The following SYT1 variants were observed in gnomAD, a reference collection of about 807,000 sequenced individuals.
SYT1 encodes the protein synaptotagmin-1.
A neutral mutation model predicts 44.8 loss-of-function variants in SYT1; 8 were observed. The ratio of observed to expected loss-of-function variants is 0.18; its 90% CI spans 0.10 to 0.32. The LOEUF is 0.32. Ranked by LOEUF, SYT1 falls within the 10% of genes least tolerant of loss-of-function variation. SYT1 has a pLI of 1.00. For missense variants in SYT1, 286 were observed against 509.3 expected (o/e 0.56, Z 4.22); for synonymous variants, 154 against 188.8 (o/e 0.82, Z 1.51).
intron 3 of SYT1, among the ~76,000 whole-genome samples, chr12:79,151,534 C>T (rs1870271787): frequency 6.6e-6 from 1 of 151,952 alleles, no homozygotes; most frequent in Non-Finnish European, 1.5e-5. Flanking sequence ...GGTTTTTAAT[C>T]AGGAGAATAA....
intron 9 of SYT1, among the ~76,000 whole-genome samples, chr12:79,429,018 A>G (rs1484477218): frequency 6.6e-6 from 1 of 152,074 alleles, no homozygotes; most frequent in Non-Finnish European, 1.5e-5. Context: ...ATTTCTTGGG[A>G]ACTGATAGAG....
In SYT1 at chr12:79,450,610, T is replaced by C. The variant is rs1871003842; in HGVS notation, c.*1486T>C. The C allele has an allele frequency of 1.3e-5, 2 of 152,776 alleles. No homozygotes were observed. The highest frequency in any genetic ancestry group is 1.3e-4 in the Admixed American group (2 of 15,292). The allele number at this position is 152,776 out of a possible 1,614,324, so 9.5% of individuals were successfully genotyped here. On this transcript the variant is annotated 3_prime_UTR_variant, in exon 11 of 11. Transcript: ENST00000261205. ...TGACTGCCGTGTGTGCTTAGACCCG[T>C]AGTTTCCTCAGTGGATAGCACTCAA...
chr12:79,061,540 C>G (rs1875386466), intron 3 of SYT1, among the ~76,000 whole-genome samples: 1 of 152,178 alleles, frequency 6.6e-6, no homozygotes, highest in East Asian at 1.9e-4. Context: ...GTGAATGGTG[C>G]TGGGCCACAA....
chr12:78,925,825 C>T (rs1592567560), intron 1 of SYT1, among the ~76,000 whole-genome samples: 2 of 151,922 alleles, frequency 1.3e-5, no homozygotes, highest in Admixed American at 1.3e-4. Flanking sequence ...TAAGAATGCA[C>T]ATATGTGAAC....
At chr12:78,874,269 C>CAAT (rs1873956539) in intron 1 of SYT1, among the ~76,000 whole-genome samples, 1 of 151,432 alleles carries the variant, frequency 6.6e-6, no homozygotes, top group South Asian at 2.1e-4. Context: ...TTTACAGAGC[C>CAAT]AATACTCAAT....
chr12:78,877,375 C>G (rs1874230181), intron 1 of SYT1, among the ~76,000 whole-genome samples: 1 of 151,618 alleles, frequency 6.6e-6, no homozygotes, highest in African/African-American at 2.4e-5. Flanking sequence ...TTACCTCCCA[C>G]TCTGTCCCTC....
At chr12:79,334,096 G>C (rs1487636415) in intron 8 of SYT1, among the ~76,000 whole-genome samples, 1 of 152,040 alleles carries the variant, frequency 6.6e-6, no homozygotes, top group Non-Finnish European at 1.5e-5. Context: ...CTGAGTATAC[G>C]CTATGTGCTA....
At chr12:79,331,358 T>G (rs1261633268) in intron 8 of SYT1, among the ~76,000 whole-genome samples, 1 of 152,200 alleles carries the variant, frequency 6.6e-6, no homozygotes, top group Non-Finnish European at 1.5e-5. Flanking sequence ...TTCAGCCAAA[T>G]GGTCTGAAAT....
intron 9 of SYT1, among the ~76,000 whole-genome samples, chr12:79,371,271 C>T (rs1482726637): frequency 6.6e-6 from 1 of 152,220 alleles, no homozygotes; most frequent in Non-Finnish European, 1.5e-5. Flanking sequence ...TTACTCACAG[C>T]TTCCCCCACC....
intron 4 of SYT1, among the ~76,000 whole-genome samples, chr12:79,274,249 T>C (rs1486489599): frequency 1.3e-5 from 2 of 152,038 alleles, no homozygotes; most frequent in Non-Finnish European, 2.9e-5. Flanking sequence ...CCAGGAAGGG[T>C]GTGGCCTGAG....
intron 4 of SYT1, among the ~76,000 whole-genome samples, chr12:79,257,557 T>G (rs975005452): frequency 2.6e-5 from 4 of 152,178 alleles, no homozygotes; most frequent in African/African-American, 7.2e-5. Flanking sequence ...GCGCAATCTC[T>G]GCTCACTGCA....
At chr12:79,170,226 G>C (rs1871436666) in intron 3 of SYT1, among the ~76,000 whole-genome samples, 1 of 152,096 alleles carries the variant, frequency 6.6e-6, no homozygotes, top group South Asian at 2.1e-4. Flanking sequence ...TAATGGGATT[G>C]CTGGGTCAAA....
intron 8 of SYT1, among the ~76,000 whole-genome samples, chr12:79,346,238 T>C (rs559606368): frequency 6.6e-6 from 1 of 152,356 alleles, no homozygotes; most frequent in South Asian, 2.1e-4. Context: ...GTTCTAATTA[T>C]CTATAATGCT....
At chr12:79,112,188 CAAAAG>C (rs1397032939) in intron 3 of SYT1, among the ~76,000 whole-genome samples, 1 of 151,870 alleles carries the variant, frequency 6.6e-6, no homozygotes, top group Admixed American at 6.6e-5. Context: ...ATTGTGGACT[CAAAAG>C]AAAGAGATAC....
chr12:78,910,033 A>G lies in SYT1; in HGVS notation c.-217+44924A>G, dbSNP rs184514998. 8.0e-4 allele frequency among the ~76,000 whole-genome samples: 121 copies of G among 151,930 alleles called. 1 individual carries two copies. The highest frequency in any genetic ancestry group is 2.7e-3 in the African/African-American group (114 of 41,472). On this transcript the variant is annotated intron_variant, in intron 1 of 10. Transcript: ENST00000261205. Reference sequence around the variant, plus strand: ...TCCAGCTTGGCATTATCAGCCCCCAACCCTGTTGTTTCCTGCTTTATTCAT... The same window carrying G: ...TCCAGCTTGGCATTATCAGCCCCCAGCCCTGTTGTTTCCTGCTTTATTCAT...
chr12:79,108,996 C>T (rs1298872077), intron 3 of SYT1, among the ~76,000 whole-genome samples: 1 of 152,128 alleles, frequency 6.6e-6, no homozygotes, highest in East Asian at 1.9e-4. Context: ...AGAAATTAGG[C>T]TTGCAGACAA....
At chr12:79,122,589 A>G (rs111874721) in intron 3 of SYT1, among the ~76,000 whole-genome samples, 1 of 151,572 alleles carries the variant, frequency 6.6e-6, no homozygotes, top group African/African-American at 2.4e-5. Flanking sequence ...AAAATTTCCA[A>G]TAAATTGAGC....
At chr12:79,052,347 A>C (rs1249630742) in intron 3 of SYT1, among the ~76,000 whole-genome samples, 1 of 152,164 alleles carries the variant, frequency 6.6e-6, no homozygotes, top group Non-Finnish European at 1.5e-5. Flanking sequence ...CCTTATACAA[A>C]AATTAATTCA....
chr12:79,044,166 G>A (rs947133653), intron 2 of SYT1, among the ~76,000 whole-genome samples: 2 of 151,962 alleles, frequency 1.3e-5, no homozygotes, highest in Non-Finnish European at 2.9e-5. Flanking sequence ...GAATCTGAAT[G>A]TTGGCCTGCC....
Sources: gnomAD v4.1 joint callset for allele counts (sites outside exome capture counted in the v4.1 genomes callset) on GRCh38, gnomAD v4.1.1 for gene constraint, MANE v1.5 for transcripts, NCBI Gene and HGNC (gene_info 2026-07-23, HGNC 2026-07-21) for gene names.